The following RNF217 variants were observed in gnomAD, a reference collection of about 807,000 sequenced individuals.
RNF217 encodes the protein E3 ubiquitin-protein ligase RNF217.
RNF217 carries 31 observed loss-of-function variants against 57.8 expected under a neutral mutation model. The observed-to-expected ratio is 0.54, with a 90% CI of 0.40 to 0.72. The LOEUF (loss-of-function observed/expected upper bound fraction) is 0.72, where lower values mean the gene tolerates loss of function less well. Among genes scored for constraint, RNF217 ranks in the 30% least tolerant of loss-of-function variants. RNF217 has a pLI of 0.00. For synonymous variants in RNF217, 313 were observed against 294.0 expected (o/e 1.06, Z -0.66); for missense variants, 696 against 708.3 (o/e 0.98, Z 0.20).
At chr6:125,023,232 T>A (rs1375305175) in intron 1 of RNF217, among the ~76,000 whole-genome samples, 1 of 152,094 alleles carries the variant, frequency 6.6e-6, no homozygotes, top group African/African-American at 2.4e-5. Context: ...GTAAAGTATG[T>A]CCTGGGTAGA....
intron 1 of RNF217, among the ~76,000 whole-genome samples, chr6:124,984,338 A>G (rs889945914): frequency 1.4e-4 from 21 of 152,010 alleles, no homozygotes; most frequent in Non-Finnish European, 8.8e-5. Context: ...TTTGAGCCCA[A>G]GTGTTCGACA....
chr6:124,988,299 T>A (rs1454260875), intron 1 of RNF217, among the ~76,000 whole-genome samples: 2 of 152,154 alleles, frequency 1.3e-5, no homozygotes, highest in African/African-American at 4.8e-5. Flanking sequence ...CATTAAATGG[T>A]CTATGGCAGT....
chr6:125,015,654 G>A (rs576849221), intron 1 of RNF217, among the ~76,000 whole-genome samples: 30 of 151,848 alleles, frequency 2.0e-4, no homozygotes, highest in Admixed American at 1.0e-3. Flanking sequence ...TATTGGTATT[G>A]CTACATCCAG....
At chr6:125,078,429 C>A (rs1186516092) in intron 4 of RNF217, among the ~76,000 whole-genome samples, 3 of 152,086 alleles carry the variant, frequency 2.0e-5, no homozygotes, top group African/African-American at 7.2e-5. Flanking sequence ...ATAGAGAAGT[C>A]ATTTATTTGG....
chr6:125,027,300 T>C (rs2759265), intron 1 of RNF217, among the ~76,000 whole-genome samples: 130,151 of 151,814 alleles, frequency 0.86, 56,211 homozygotes, highest in East Asian at 1. Context: ...TCCCCGCCAA[T>C]GCCCAACTAC....
In RNF217 at chr6:125,045,378, G is replaced by A; in HGVS notation, c.1050G>A (p.Lys350=). ...GCACCAAGCCATGTCCTCAGTGCAA[G>A]CACTTTACAACCTTCAAGAAAAAAG... ...DSSTKPCPQC[K]HFTTFKKKGH... is the part of the protein sequence containing the mutation. Residue 350 remains lysine (K), a synonymous_variant, in exon 2 of 6, where the codon AAG becomes AAA. Coordinates refer to ENST00000521654, the MANE Select transcript of RNF217 (RefSeq NM_001286398.3). 6.2e-7 allele frequency: 1 copy of A among 1,613,388 alleles called. No homozygotes were observed. Among genetic ancestry groups the A allele is most frequent in the Non-Finnish European group, 8.5e-7 (1 of 1,179,660 alleles).
chr6:125,053,057 G>C (rs1787387779), intron 2 of RNF217, among the ~76,000 whole-genome samples: 1 of 152,040 alleles, frequency 6.6e-6, no homozygotes, highest in African/African-American at 2.4e-5. Context: ...GCCTCTGTGT[G>C]GTGGCTCAGG....
At chr6:125,061,543 G>C (rs1181228270) in intron 3 of RNF217, among the ~76,000 whole-genome samples, 2 of 151,378 alleles carry the variant, frequency 1.3e-5, no homozygotes, top group Non-Finnish European at 3.0e-5. Context: ...TCTTTATTTA[G>C]ATATTTAAAC....
rs1697078615 is a variant in RNF217, at chr6:125,091,808, G to A, written c.*8871G>A. The A allele has an allele frequency of 6.6e-6, 1 of 152,132 alleles. No homozygotes were observed. The highest frequency in any genetic ancestry group is 2.4e-5 in the African/African-American group (1 of 41,432). The allele number at this position is 152,132 out of a possible 1,614,324, so 9.4% of individuals were successfully genotyped here. ...TTCATACAGATGCTAGAGAACCATG[G>A]TGTCTGCTATTTACATGTTATTTGT... On this transcript the variant is annotated 3_prime_UTR_variant, in exon 6 of 6. Coordinates refer to ENST00000521654, the MANE Select transcript of RNF217 (RefSeq NM_001286398.3).
intron 1 of RNF217, among the ~76,000 whole-genome samples, chr6:125,025,522 G>A (rs1488233970): frequency 1.3e-5 from 2 of 150,332 alleles, no homozygotes; most frequent in Non-Finnish European, 3.0e-5. Context: ...ACCGAGGAGG[G>A]AGGGAGGAAG....
rs1464077292 is a variant in RNF217 at position 125,090,709 on chromosome 6, A to G, written c.*7772A>G. Reference sequence around the variant, plus strand: ...TTAGATTGCATATTTTTAGTTTTCTATAAAATTTGCAGCCATTTTCCAAAT... The same window carrying G: ...TTAGATTGCATATTTTTAGTTTTCTGTAAAATTTGCAGCCATTTTCCAAAT... On this transcript the variant is annotated 3_prime_UTR_variant, in exon 6 of 6. Coordinates refer to ENST00000521654, the MANE Select transcript of RNF217 (RefSeq NM_001286398.3). The G allele has an allele frequency of 1.3e-5, 2 of 152,070 alleles. No homozygotes were observed. Among genetic ancestry groups the G allele is most frequent in the Non-Finnish European group, 2.9e-5 (2 of 67,876 alleles). 9.4% of individuals were successfully genotyped at this position (152,070 alleles called of 1,614,324 possible).
intron 3 of RNF217, among the ~76,000 whole-genome samples, chr6:125,059,232 G>C (rs1160981069): frequency 1.3e-5 from 2 of 152,192 alleles, no homozygotes; most frequent in South Asian, 2.1e-4. Context: ...TCTAATAGAA[G>C]TGATGTCTAA....
chr6:125,036,829 T>G (rs905710651), intron 1 of RNF217, among the ~76,000 whole-genome samples: 7 of 151,248 alleles, frequency 4.6e-5, no homozygotes, highest in Admixed American at 4.0e-4. Context: ...CTCATGCCAC[T>G]TAGAATGGCG....
At chr6:124,978,609 C>A (rs867563099) in intron 1 of RNF217, among the ~76,000 whole-genome samples, 5 of 152,060 alleles carry the variant, frequency 3.3e-5, no homozygotes, top group African/African-American at 1.2e-4. Context: ...TTCTTTTTCC[C>A]ATAGTCTGAC....
chr6:125,042,729 G>A lies in RNF217; in HGVS notation c.883-2482G>A, dbSNP rs557209642. Among the ~76,000 whole-genome samples the A allele has an allele frequency of 1.4e-3, 206 of 152,182 alleles. 1 individual carries two copies. Among genetic ancestry groups the A allele is most frequent in the African/African-American group, 4.7e-3 (194 of 41,544 alleles). ...TCAAGACAACCTGCCCTCTTTAGCTGCCTTGGATTGCTCTCGTCCCTAAAC... is the reference window on the plus strand; with the variant it reads ...TCAAGACAACCTGCCCTCTTTAGCTACCTTGGATTGCTCTCGTCCCTAAAC... On this transcript the variant is annotated intron_variant, in intron 1 of 5. Coordinates refer to ENST00000521654, the MANE Select transcript of RNF217 (RefSeq NM_001286398.3).
chr6:125,044,620 G>A (rs506058), intron 1 of RNF217, among the ~76,000 whole-genome samples: 1 of 151,778 alleles, frequency 6.6e-6, no homozygotes, highest in African/African-American at 2.4e-5. Context: ...TTGTTCCTAT[G>A]ATTCTCATTA....
At chr6:125,061,713 G>A (rs1787739660) in intron 3 of RNF217, among the ~76,000 whole-genome samples, 1 of 150,022 alleles carries the variant, frequency 6.7e-6, no homozygotes, top group East Asian at 2.0e-4. Context: ...CTCTTTCTTT[G>A]TGGTCAAATA....
intron 2 of RNF217, among the ~76,000 whole-genome samples, chr6:125,050,458 C>T (rs1286996890): frequency 6.6e-6 from 1 of 151,902 alleles, no homozygotes; most frequent in Non-Finnish European, 1.5e-5. Flanking sequence ...CTCTAGCTGT[C>T]TTTTTTTCTT....
chr6:125,004,890 A>G (rs946310080), intron 1 of RNF217, among the ~76,000 whole-genome samples: 1 of 152,186 alleles, frequency 6.6e-6, no homozygotes, highest in Non-Finnish European at 1.5e-5. Flanking sequence ...TGCTGCTATA[A>G]CAGAATACCA....
Sources: allele counts gnomAD v4.1 joint callset (sites outside exome capture counted in the v4.1 genomes callset), GRCh38; gene constraint gnomAD v4.1.1; transcripts MANE v1.5; gene names NCBI Gene and HGNC (gene_info 2026-07-23, HGNC 2026-07-21).